The following PPP2R2B variants were observed in gnomAD, a reference collection of about 807,000 sequenced individuals.
The protein encoded by PPP2R2B is serine/threonine-protein phosphatase 2A 55 kDa regulatory subunit B beta isoform.
A neutral mutation model predicts 46.0 loss-of-function variants in PPP2R2B; 5 were observed. That is an observed-to-expected ratio of 0.11 (90% CI 0.06 to 0.23). PPP2R2B has a LOEUF of 0.23. PPP2R2B is among the 10% of genes least tolerant of loss of function. PPP2R2B has a pLI of 1.00. For missense variants in PPP2R2B, 367 were observed against 575.0 expected, an observed-to-expected ratio of 0.64 and a Z score of 3.70; for synonymous variants, 215 against 206.7, an observed-to-expected ratio of 1.04 and a Z score of -0.34.
intron 1 of PPP2R2B, among the ~76,000 whole-genome samples, chr5:146,983,331 C>A (rs1582545101): frequency 2.6e-5 from 4 of 152,062 alleles, no homozygotes; most frequent in African/African-American, 9.6e-5. Flanking sequence ...CAGGCGTCCG[C>A]CACCACGCCC....
intron 1 of PPP2R2B, among the ~76,000 whole-genome samples, chr5:146,921,155 T>G (rs1718277337): frequency 6.6e-6 from 1 of 152,194 alleles, no homozygotes; most frequent in Admixed American, 6.5e-5. Flanking sequence ...TATTTGTAAA[T>G]CATCTAGATT....
chr5:146,649,672 AC>A (rs1214163269), intron 6 of PPP2R2B, among the ~76,000 whole-genome samples: 20 of 152,092 alleles, frequency 1.3e-4, no homozygotes, highest in African/African-American at 4.8e-4. Flanking sequence ...CTGGTCTTAA[AC>A]CTCTGACCTG....
rs146428129 is a variant in PPP2R2B, at chr5:146,988,975, T to C, written c.79+66690A>G. Among the ~76,000 whole-genome samples, 833 of 152,098 alleles carry C rather than the reference T, an allele frequency of 5.5e-3. 6 individuals carry two copies. Among genetic ancestry groups the C allele is most frequent in the African/African-American group, 0.019 (792 of 41,546 alleles). ...ATCATAAGAAACTACTATGAACAAC[T>C]ACACGTAAATAAATTGGTAAACCTA... On this transcript the variant is annotated intron_variant, in intron 1 of 8. Coordinates refer to the PPP2R2B transcript ENST00000336640.
chr5:146,902,449 A>T (rs948500402), intron 1 of PPP2R2B, among the ~76,000 whole-genome samples: 1 of 152,208 alleles, frequency 6.6e-6, no homozygotes, highest in South Asian at 2.1e-4. Flanking sequence ...CACAACAATT[A>T]TTACAACTAC....
At chr5:146,698,939 G>A (rs1213554674) in intron 3 of PPP2R2B, among the ~76,000 whole-genome samples, 2 of 151,382 alleles carry the variant, frequency 1.3e-5, no homozygotes, top group East Asian at 3.9e-4. Context: ...TGCAGAAACA[G>A]GAAGAAAAAG....
intron 5 of PPP2R2B, among the ~76,000 whole-genome samples, chr5:146,665,775 C>T (rs1010133920): frequency 6.6e-6 from 1 of 151,962 alleles, no homozygotes; most frequent in East Asian, 1.9e-4. Context: ...CCAAAACACC[C>T]CATAAGAATT....
At chr5:146,925,770 A>G (rs1763762806) in intron 1 of PPP2R2B, among the ~76,000 whole-genome samples, 1 of 151,948 alleles carries the variant, frequency 6.6e-6, no homozygotes, top group Non-Finnish European at 1.5e-5. Flanking sequence ...TTCCCCTGAC[A>G]TGGTTGTTTC....
chr5:146,788,560 G>A (rs144208031), intron 2 of PPP2R2B, among the ~76,000 whole-genome samples: 26 of 152,178 alleles, frequency 1.7e-4, no homozygotes, highest in South Asian at 1.5e-3. Flanking sequence ...ACGAAACCCC[G>A]TCGCTACTGA....
chr5:146,841,661 T>C (rs1203840768), intron 2 of PPP2R2B, among the ~76,000 whole-genome samples: 1 of 152,170 alleles, frequency 6.6e-6, no homozygotes, highest in Non-Finnish European at 1.5e-5. Context: ...GAAACCATCA[T>C]TCTCAGCAAA....
intron 2 of PPP2R2B, among the ~76,000 whole-genome samples, chr5:146,803,780 G>T (rs1375762810): frequency 4.6e-5 from 7 of 152,156 alleles, no homozygotes; most frequent in Admixed American, 1.3e-4. Flanking sequence ...AAATTATTTT[G>T]CATCTCTAGA....
intron 7 of PPP2R2B, among the ~76,000 whole-genome samples, chr5:146,627,715 T>G (rs1774155812): frequency 6.6e-6 from 1 of 152,222 alleles, no homozygotes. Context: ...CTCACCTCTC[T>G]GTGCCTCATC....
chr5:147,046,988 T>C (rs1756573867), intron 1 of PPP2R2B, among the ~76,000 whole-genome samples: 1 of 152,112 alleles, frequency 6.6e-6, no homozygotes, highest in South Asian at 2.1e-4. Context: ...TCACTTAATC[T>C]GACACCAACA....
intron 8 of PPP2R2B, among the ~76,000 whole-genome samples, chr5:146,596,219 T>C (rs1771155796): frequency 1.3e-5 from 2 of 152,190 alleles, no homozygotes; most frequent in African/African-American, 4.8e-5. Context: ...CCAACCCTTG[T>C]TCTATGGAAA....
Position 147,003,877 on chromosome 5 carries a change from C to T in PPP2R2B, c.79+51788G>A, listed in dbSNP as rs185462602. Among the ~76,000 whole-genome samples the T allele has an allele frequency of 3.0e-4, 45 of 152,256 alleles. No individual in the cohort carries two copies. The East Asian group carries it at 3.5e-3, about 12-fold the overall frequency. On this transcript the variant is annotated intron_variant, in intron 1 of 8. Transcript: ENST00000336640. ...GGAGGCCTTAAGAAAATATACTCCC[C>T]TGTCCCCCAACTCACTCGAGGGTCA... is the stretch of plus-strand genomic sequence containing the variant.
At chr5:146,955,440 T>C (rs1751847284) in intron 1 of PPP2R2B, among the ~76,000 whole-genome samples, 1 of 152,176 alleles carries the variant, frequency 6.6e-6, no homozygotes, top group Admixed American at 6.6e-5. Flanking sequence ...AGTTATACAA[T>C]GTTTTAAATT....
intron 1 of PPP2R2B, among the ~76,000 whole-genome samples, chr5:146,991,897 C>T (rs1753712341): frequency 6.6e-6 from 1 of 151,822 alleles, no homozygotes; most frequent in Admixed American, 6.6e-5. Context: ...AAAATATTTT[C>T]CATATTCATG....
intron 1 of PPP2R2B, among the ~76,000 whole-genome samples, chr5:147,001,295 G>T (rs577265888): frequency 8.5e-5 from 13 of 152,216 alleles, no homozygotes; most frequent in African/African-American, 2.4e-4. Flanking sequence ...TCACTCTTTG[G>T]GTCCGCACTA....
chr5:146,901,470 C>T (rs955244692), intron 1 of PPP2R2B, among the ~76,000 whole-genome samples: 5 of 152,082 alleles, frequency 3.3e-5, no homozygotes, highest in Non-Finnish European at 7.4e-5. Context: ...CACTGCACTC[C>T]AGCCTGGGTG....
Position 146,916,442 on chromosome 5 carries a change from C to G in PPP2R2B, c.79+139223G>C, listed in dbSNP as rs76972282. 5.7e-3 allele frequency among the ~76,000 whole-genome samples: 863 copies of G among 152,190 alleles called. 28 individuals are homozygous for G. In the East Asian group the frequency reaches 0.067, roughly 12 times the overall value. On this transcript the variant is annotated intron_variant, in intron 1 of 8. Coordinates refer to the PPP2R2B transcript ENST00000336640. ...AAGCAGGTGACTTTCCTTCATTCTTCTTTATCTGTCTTGGTTGCTATTGTA... is the reference window on the plus strand; with the variant it reads ...AAGCAGGTGACTTTCCTTCATTCTTGTTTATCTGTCTTGGTTGCTATTGTA...
Sources: gnomAD v4.1 joint callset for allele counts (sites outside exome capture counted in the v4.1 genomes callset) on GRCh38, gnomAD v4.1.1 for gene constraint, MANE v1.5 for transcripts, NCBI Gene and HGNC (gene_info 2026-07-23, HGNC 2026-07-21) for gene names.